The following ARHGAP15 variants were observed in gnomAD, a reference collection of about 807,000 sequenced individuals.
ARHGAP15 encodes Rho GTPase activating protein 15.
ARHGAP15 carries 51 observed loss-of-function variants against 63.7 expected under a neutral mutation model. That is an observed-to-expected ratio of 0.80 (90% CI 0.64 to 1.01). The LOEUF (loss-of-function observed/expected upper bound fraction) is 1.01. ARHGAP15 is among the 50% of genes least tolerant of loss of function. The pLI is 0.00. For synonymous variants in ARHGAP15, 191 were observed against 193.8 expected, an observed-to-expected ratio of 0.99 and a Z score of 0.12; for missense variants, 560 against 564.6, an observed-to-expected ratio of 0.99 and a Z score of 0.08.
intron 1 of ARHGAP15, among the ~76,000 whole-genome samples, chr2:143,144,528 C>A (rs1229717936): frequency 6.6e-6 from 1 of 152,008 alleles, no homozygotes; most frequent in African/African-American, 2.4e-5. Context: ...TGCCTAGGAG[C>A]TCTTTGGGGA....
intron 12 of ARHGAP15, among the ~76,000 whole-genome samples, chr2:143,658,359 A>G (rs2105315894): frequency 6.6e-6 from 1 of 152,354 alleles, no homozygotes; most frequent in Middle Eastern, 3.4e-3. Context: ...TCAAAAGCCT[A>G]TACTCTTAAC....
intron 9 of ARHGAP15, among the ~76,000 whole-genome samples, chr2:143,518,058 C>T (rs1693897828): frequency 6.6e-6 from 1 of 152,154 alleles, no homozygotes; most frequent in Admixed American, 6.5e-5. Flanking sequence ...CAGTAATAAA[C>T]AGATACTATC....
chr2:143,175,531 G>A (rs1405977893), intron 2 of ARHGAP15, among the ~76,000 whole-genome samples: 2 of 152,130 alleles, frequency 1.3e-5, no homozygotes, highest in South Asian at 2.1e-4. Flanking sequence ...CCCTGAGGAG[G>A]CAAATGCCTG....
At chr2:143,195,081 C>A (rs574597843) in intron 2 of ARHGAP15, among the ~76,000 whole-genome samples, 2 of 152,156 alleles carry the variant, frequency 1.3e-5, no homozygotes, top group South Asian at 2.1e-4. Context: ...ATCTGATAAA[C>A]TTTTATTTGT....
chr2:143,751,083 G>C (rs114460790), intron 13 of ARHGAP15, among the ~76,000 whole-genome samples: 1 of 152,116 alleles, frequency 6.6e-6, no homozygotes, highest in Non-Finnish European at 1.5e-5. Flanking sequence ...TTAACATGGC[G>C]CCAGTTACCT....
intron 6 of ARHGAP15, among the ~76,000 whole-genome samples, chr2:143,306,868 C>T (rs1683197773): frequency 6.6e-6 from 1 of 152,110 alleles, no homozygotes; most frequent in South Asian, 2.1e-4. Context: ...AACTTGACAG[C>T]TTAAAACAAC....
intron 6 of ARHGAP15, among the ~76,000 whole-genome samples, chr2:143,330,799 A>G (rs1183093577): frequency 1.3e-5 from 2 of 152,198 alleles, no homozygotes; most frequent in African/African-American, 2.4e-5. Flanking sequence ...GTAACTGTCA[A>G]TGTCCCCAGA....
intron 11 of ARHGAP15, among the ~76,000 whole-genome samples, chr2:143,622,418 G>A (rs1574721498): frequency 6.6e-6 from 1 of 152,080 alleles, no homozygotes. Flanking sequence ...TGAAAACCCC[G>A]TTCTTTAAAG....
At chr2:143,309,516 A>G (rs536575496) in intron 6 of ARHGAP15, among the ~76,000 whole-genome samples, 4 of 152,078 alleles carry the variant, frequency 2.6e-5, no homozygotes, top group South Asian at 2.1e-4. Context: ...AGTACATCGG[A>G]TACACTCCAC....
chr2:143,301,837 CAT>C (rs1467406495), intron 6 of ARHGAP15, among the ~76,000 whole-genome samples: 4 of 151,120 alleles, frequency 2.6e-5, no homozygotes, highest in Non-Finnish European at 4.4e-5. Flanking sequence ...ATGGAGACAA[CAT>C]ATATATGGGG....
At chr2:143,186,204 T>C (rs1691441075) in intron 2 of ARHGAP15, among the ~76,000 whole-genome samples, 1 of 152,166 alleles carries the variant, frequency 6.6e-6, no homozygotes. Context: ...TACAATCATA[T>C]TTTCTTTGTT....
At chr2:143,386,273 A>C (rs1363752980) in intron 6 of ARHGAP15, among the ~76,000 whole-genome samples, 2 of 152,164 alleles carry the variant, frequency 1.3e-5, no homozygotes, top group Non-Finnish European at 2.9e-5. Flanking sequence ...AAAAAATGTT[A>C]AAAATCTAAA....
At chr2:143,261,148 C>G (rs1235247511) in intron 6 of ARHGAP15, among the ~76,000 whole-genome samples, 1 of 151,968 alleles carries the variant, frequency 6.6e-6, no homozygotes, top group Non-Finnish European at 1.5e-5. Flanking sequence ...TTTACAGCTA[C>G]TTAACACTAA....
intron 13 of ARHGAP15, among the ~76,000 whole-genome samples, chr2:143,766,150 A>T (rs954746903): frequency 3.3e-5 from 5 of 152,162 alleles, no homozygotes; most frequent in Admixed American, 2.0e-4. Flanking sequence ...AAGGGAAAAA[A>T]AAAATGCAGC....
At chr2:143,287,337 C>T (rs903611286) in intron 6 of ARHGAP15, among the ~76,000 whole-genome samples, 1 of 152,056 alleles carries the variant, frequency 6.6e-6, no homozygotes, top group African/African-American at 2.4e-5. Flanking sequence ...CGCTTTCTTC[C>T]TTTCTCAAAA....
At chr2:143,658,744 G>A (rs974421004) in intron 12 of ARHGAP15, among the ~76,000 whole-genome samples, 1 of 152,148 alleles carries the variant, frequency 6.6e-6, no homozygotes, top group Non-Finnish European at 1.5e-5. Flanking sequence ...TCCTTCCTCT[G>A]TCACTTCTGG....
intron 10 of ARHGAP15, among the ~76,000 whole-genome samples, chr2:143,546,924 T>A (rs1453102099): frequency 6.6e-6 from 1 of 152,172 alleles, no homozygotes; most frequent in Non-Finnish European, 1.5e-5. Flanking sequence ...AAGATTTTTT[T>A]AAAAAAAAGA....
At chr2:143,299,238 A>G (rs772878921) in intron 6 of ARHGAP15, among the ~76,000 whole-genome samples, 4 of 152,010 alleles carry the variant, frequency 2.6e-5, no homozygotes, top group Non-Finnish European at 4.4e-5. Flanking sequence ...AATTAAAATC[A>G]GCATGCAAAA....
intron 10 of ARHGAP15, among the ~76,000 whole-genome samples, chr2:143,522,437 A>G (rs1694095571): frequency 6.6e-6 from 1 of 152,182 alleles, no homozygotes; most frequent in Non-Finnish European, 1.5e-5. Flanking sequence ...TAATTAGCCA[A>G]TGAAAAACTC....
Sources: gnomAD v4.1 joint callset for allele counts (sites outside exome capture counted in the v4.1 genomes callset) on GRCh38, gnomAD v4.1.1 for gene constraint, MANE v1.5 for transcripts, NCBI Gene and HGNC (gene_info 2026-07-23, HGNC 2026-07-21) for gene names.